Variants in PTPRK observed in about 807,000 individuals in gnomAD.
The protein encoded by PTPRK is receptor-type tyrosine-protein phosphatase kappa.
PTPRK carries 75 observed loss-of-function variants against 178.0 expected under a neutral mutation model. The observed-to-expected ratio is 0.42, with a 90% CI of 0.35 to 0.51. The LOEUF is 0.51. Among genes scored for constraint, PTPRK ranks in the 20% least tolerant of loss-of-function variants. PTPRK has a pLI of 0.02. For synonymous variants in PTPRK, 637 were observed against 620.6 expected (o/e 1.03, Z -0.39); for missense variants, 1,441 against 1,797.8 (o/e 0.80, Z 3.59).
intron 6 of PTPRK, among the ~76,000 whole-genome samples, chr6:128,205,398 G>A (rs976194014): frequency 2.6e-5 from 4 of 152,032 alleles, no homozygotes; most frequent in Non-Finnish European, 5.9e-5. Context: ...TGCACATCCT[G>A]CACATGTACC....
intron 7 of PTPRK, among the ~76,000 whole-genome samples, chr6:128,117,982 T>C (rs2114378976): frequency 6.6e-6 from 1 of 152,220 alleles, no homozygotes; most frequent in African/African-American, 2.4e-5. Flanking sequence ...ATTTTATAAT[T>C]CATTTTTTTG....
chr6:128,399,676 G>T (rs1400502859), intron 1 of PTPRK, among the ~76,000 whole-genome samples: 1 of 152,148 alleles, frequency 6.6e-6, no homozygotes, highest in Admixed American at 6.5e-5. Flanking sequence ...TAGTGTGAGT[G>T]CCCTCTGTAT....
intron 13 of PTPRK, among the ~76,000 whole-genome samples, chr6:128,035,954 T>G (rs1244062617): frequency 6.6e-6 from 1 of 152,238 alleles, no homozygotes; most frequent in Non-Finnish European, 1.5e-5. Flanking sequence ...TTCAACAGTT[T>G]AGGCAATAAG....
At chr6:128,003,012 T>G (rs770519625) in intron 15 of PTPRK, among the ~76,000 whole-genome samples, 1 of 151,998 alleles carries the variant, frequency 6.6e-6, no homozygotes, top group South Asian at 2.1e-4. Flanking sequence ...TAGCATGCCT[T>G]GCTAATTTGA....
chr6:128,162,490 A>G (rs1253238663), intron 7 of PTPRK, among the ~76,000 whole-genome samples: 1 of 151,684 alleles, frequency 6.6e-6, no homozygotes, highest in African/African-American at 2.4e-5. Flanking sequence ...AACACTTTTC[A>G]TATATACAGA....
chr6:128,368,971 A>G (rs1835899940), intron 2 of PTPRK, among the ~76,000 whole-genome samples: 1 of 152,076 alleles, frequency 6.6e-6, no homozygotes, highest in South Asian at 2.1e-4. Flanking sequence ...ACACACACAC[A>G]GCAATAACAA....
At chr6:128,135,834 A>T (rs1251079128) in intron 7 of PTPRK, among the ~76,000 whole-genome samples, 1 of 151,800 alleles carries the variant, frequency 6.6e-6, no homozygotes, top group Non-Finnish European at 1.5e-5. Context: ...AAAAAATAAA[A>T]AAAAATAAAA....
At chr6:128,419,782 G>A (rs1039092500) in intron 1 of PTPRK, among the ~76,000 whole-genome samples, 12 of 152,160 alleles carry the variant, frequency 7.9e-5, no homozygotes, top group African/African-American at 2.9e-4. Context: ...GGTTGAAGAG[G>A]ATCATATGCT....
At chr6:128,102,184 G>A (rs1351551776) in intron 7 of PTPRK, among the ~76,000 whole-genome samples, 1 of 152,164 alleles carries the variant, frequency 6.6e-6, no homozygotes, top group African/African-American at 2.4e-5. Flanking sequence ...TCCAAGATCA[G>A]TTGCCTAGTA....
At chr6:127,979,457 T>C (rs764502995) in intron 25 of PTPRK, among the ~76,000 whole-genome samples, 29 of 152,226 alleles carry the variant, frequency 1.9e-4, no homozygotes, top group Non-Finnish European at 3.7e-4. Context: ...GAAAAAGTAT[T>C]GTATGCCATC....
At chr6:128,175,167 T>TC (rs1413457321) in intron 7 of PTPRK, among the ~76,000 whole-genome samples, 8 of 151,904 alleles carry the variant, frequency 5.3e-5, no homozygotes. Context: ...TCTTGGTTTT[T>TC]CTCCTACAAT....
At chr6:128,084,227 G>A (rs1378897871) in intron 8 of PTPRK, among the ~76,000 whole-genome samples, 2 of 152,072 alleles carry the variant, frequency 1.3e-5, no homozygotes, top group East Asian at 3.8e-4. Context: ...ATCCCCCAAA[G>A]AGTCTCCATA....
intron 2 of PTPRK, among the ~76,000 whole-genome samples, chr6:128,385,898 T>C (rs1333796774): frequency 1.3e-5 from 2 of 152,214 alleles, no homozygotes; most frequent in African/African-American, 4.8e-5. Context: ...GTTTCTAGGA[T>C]TGATGACTTC....
At chr6:128,169,358 G>C (rs1305041404) in intron 7 of PTPRK, among the ~76,000 whole-genome samples, 2 of 151,780 alleles carry the variant, frequency 1.3e-5, no homozygotes, top group African/African-American at 4.8e-5. Context: ...CCAAGCCTAA[G>C]TTAGAAAAAC....
intron 25 of PTPRK, among the ~76,000 whole-genome samples, chr6:127,980,362 C>T (rs920530820): frequency 5.9e-5 from 9 of 151,748 alleles, no homozygotes; most frequent in African/African-American, 9.7e-5. Flanking sequence ...TGGTAGAGCA[C>T]GCTCCTGTAT....
chr6:128,145,832 T>C (rs1433524079), intron 7 of PTPRK, among the ~76,000 whole-genome samples: 1 of 152,222 alleles, frequency 6.6e-6, no homozygotes, highest in Non-Finnish European at 1.5e-5. Flanking sequence ...TCTTAAAAAA[T>C]GATTTTTAAC....
At chr6:128,087,742 C>A (rs1786158680) in intron 8 of PTPRK, among the ~76,000 whole-genome samples, 1 of 152,024 alleles carries the variant, frequency 6.6e-6, no homozygotes, top group Non-Finnish European at 1.5e-5. Flanking sequence ...TTAAATAAGT[C>A]TTAGGTTTAT....
chr6:128,082,638 T>G lies in PTPRK; in HGVS notation c.1576A>C (p.Ile526Leu). ...AATGATCTTATACTGCTATAGCTGA[T>G]CTGTTTTAAGAAATACATTTATTAC... is the stretch of plus-strand genomic sequence containing the variant. ...DPNGIITQYEISYSSIRSFDP... is the reference protein window; with the variant it reads ...DPNGIITQYELSYSSIRSFDP... The change falls in exon 10 of 30, where the codon ATC becomes CTC. Residue 526 changes from isoleucine to leucine, a missense_variant and splice_region_variant. This residue lies in a region of PTPRK where 945 missense variants were observed against 1,080.6 expected (regional missense o/e 0.87). Transcript: ENST00000368226. 2 of 1,598,244 alleles carry G rather than the reference T, an allele frequency of 1.3e-6. No homozygotes were observed. The highest frequency in any genetic ancestry group is 1.7e-6 in the Non-Finnish European group (2 of 1,167,866).
At chr6:128,174,748 C>T (rs1383039495) in intron 7 of PTPRK, among the ~76,000 whole-genome samples, 1 of 151,832 alleles carries the variant, frequency 6.6e-6, no homozygotes, top group African/African-American at 2.4e-5. Flanking sequence ...AGGATTACAG[C>T]AAGATTTGAA....
Sources: gnomAD v4.1 joint callset for allele counts (sites outside exome capture counted in the v4.1 genomes callset) on GRCh38, gnomAD v4.1.1 for gene constraint, gnomAD v4.1.1 regional missense constraint, MANE v1.5 for transcripts, NCBI Gene and HGNC (gene_info 2026-07-23, HGNC 2026-07-21) for gene names.